Variants in AGTPBP1 observed in about 807,000 individuals in gnomAD.
The protein encoded by AGTPBP1 is cytosolic carboxypeptidase 1.
A neutral mutation model predicts 143.9 loss-of-function variants in AGTPBP1; 70 were observed. That is an observed-to-expected ratio of 0.49 (90% CI 0.40 to 0.59). AGTPBP1 has a LOEUF of 0.59. Among genes scored for constraint, AGTPBP1 ranks in the 20% least tolerant of loss-of-function variants. AGTPBP1 has a pLI of 0.00. For missense variants in AGTPBP1, 1,229 were observed against 1,464.5 expected (o/e 0.84, Z 2.62); for synonymous variants, 463 against 500.2 (o/e 0.93, Z 0.99).
intron 1 of AGTPBP1, among the ~76,000 whole-genome samples, chr9:85,731,041 G>C (rs543654861): frequency 7.2e-5 from 11 of 152,218 alleles, no homozygotes; most frequent in Admixed American, 3.3e-4. Context: ...TTAAATGAAG[G>C]ATTTGGGCCA....
In AGTPBP1 at chr9:85,692,760, T is replaced by C. The variant is rs143491113; in HGVS notation, c.86A>G (p.Asn29Ser). Reference sequence around the variant, plus strand: ...AGTGTCTGATTCTGAAGGCTCAGCATTGATCTTCTCCAGTTGAGCCAGGAG... The same window carrying C: ...AGTGTCTGATTCTGAAGGCTCAGCACTGATCTTCTCCAGTTGAGCCAGGAG... The part of the protein sequence containing the change: ...VGLLAQLEKI[N>S]AEPSESDTAR... Residue 29 changes from asparagine (N) to serine (S), a missense_variant, in exon 3 of 26, where the codon AAT (asparagine) becomes AGT (serine). Coordinates refer to ENST00000357081, the MANE Select transcript of AGTPBP1 (RefSeq NM_001330701.2). 1.1e-5 allele frequency: 18 copies of C among 1,614,056 alleles called. No homozygotes were observed. Among genetic ancestry groups the C allele is most frequent in the African/African-American group, 2.7e-5 (2 of 75,058 alleles).
chr9:85,783,835 G>A, the AGTPBP1 span, among the ~76,000 whole-genome samples: 1 of 152,234 alleles, frequency 6.6e-6, no homozygotes, highest in Non-Finnish European at 1.5e-5. Context: ...ATGTCGGCCA[G>A]GCTGGTCTCA....
the AGTPBP1 span, among the ~76,000 whole-genome samples, chr9:85,766,191 CAGAT>C: frequency 2.7e-5 from 4 of 149,854 alleles, no homozygotes; most frequent in African/African-American, 7.4e-5. Flanking sequence ...TTTGGGAAAA[CAGAT>C]AGAAATATAA....
At chr9:85,647,310 G>A (rs1340031960) in intron 11 of AGTPBP1, among the ~76,000 whole-genome samples, 1 of 152,168 alleles carries the variant, frequency 6.6e-6, no homozygotes, top group Non-Finnish European at 1.5e-5. Flanking sequence ...TCTCTGTTGG[G>A]CCACATTCAA....
the AGTPBP1 span, among the ~76,000 whole-genome samples, chr9:85,792,714 T>G: frequency 6.6e-6 from 1 of 152,254 alleles, no homozygotes; most frequent in Non-Finnish European, 1.5e-5. Context: ...AATTACTATT[T>G]TTGTTACATA....
intron 3 of AGTPBP1, among the ~76,000 whole-genome samples, chr9:85,689,646 G>A (rs986071632): frequency 6.6e-6 from 1 of 151,912 alleles, no homozygotes; most frequent in African/African-American, 2.4e-5. Context: ...TGTAATCCCA[G>A]CACTGTGGGA....
chr9:85,801,140 T>C, the AGTPBP1 span, among the ~76,000 whole-genome samples: 3 of 152,068 alleles, frequency 2.0e-5, no homozygotes, highest in Non-Finnish European at 4.4e-5. Flanking sequence ...GGTGAAATCC[T>C]GTCTCTACTA....
chr9:85,616,270 GGAA>G (rs1446104427), intron 17 of AGTPBP1, among the ~76,000 whole-genome samples: 1 of 151,832 alleles, frequency 6.6e-6, no homozygotes, highest in African/African-American at 2.4e-5. Flanking sequence ...AGGAGAAGGG[GGAA>G]GAAGGAGAGG....
At chr9:85,687,954 G>A (rs1835589605) in intron 3 of AGTPBP1, among the ~76,000 whole-genome samples, 1 of 151,714 alleles carries the variant, frequency 6.6e-6, no homozygotes, top group Admixed American at 6.6e-5. Context: ...AGCCGGGTGT[G>A]GTGGCAGATG....
chr9:85,786,449 T>C, the AGTPBP1 span: 1 of 1,613,724 alleles, frequency 6.2e-7, no homozygotes, highest in Non-Finnish European at 8.5e-7. Context: ...TGTAAAACTG[T>C]GTCGAAAAGA....
At chr9:85,779,505 T>C in the AGTPBP1 span, among the ~76,000 whole-genome samples, 4 of 152,216 alleles carry the variant, frequency 2.6e-5, no homozygotes, top group South Asian at 8.3e-4. Flanking sequence ...GCCTGCTTTA[T>C]ATTCACTGGC....
intron 1 of AGTPBP1, among the ~76,000 whole-genome samples, chr9:85,732,210 CTTTTT>C (rs144655182): frequency 2.5e-5 from 3 of 120,986 alleles, no homozygotes; most frequent in Non-Finnish European, 3.3e-5. Flanking sequence ...GACTATGACC[CTTTTT>C]TTTTTTTTTT....
chr9:85,623,310 G>C (rs1056040004), intron 14 of AGTPBP1, among the ~76,000 whole-genome samples: 2 of 152,072 alleles, frequency 1.3e-5, no homozygotes, highest in Non-Finnish European at 1.5e-5. Flanking sequence ...CACTCTGCAA[G>C]TTAAGCCAAA....
At chr9:85,604,224 G>C (rs1430354562) in intron 17 of AGTPBP1, among the ~76,000 whole-genome samples, 1 of 152,174 alleles carries the variant, frequency 6.6e-6, no homozygotes, top group Non-Finnish European at 1.5e-5. Flanking sequence ...GGTGGCCACA[G>C]GGTTGCTTGA....
chr9:85,590,774 G>A (rs991089383), intron 19 of AGTPBP1, among the ~76,000 whole-genome samples: 8 of 152,084 alleles, frequency 5.3e-5, no homozygotes, highest in African/African-American at 1.4e-4. Context: ...GCAGGCAGAG[G>A]GAAAAATATT....
At chr9:85,786,584 T>C in the AGTPBP1 span, 108 of 1,611,940 alleles carry the variant, frequency 6.7e-5, no homozygotes, top group Non-Finnish European at 8.8e-5. Context: ...AACTTAGACA[T>C]TGAATAATAG....
the AGTPBP1 span, among the ~76,000 whole-genome samples, chr9:85,765,794 A>G: frequency 1.3e-5 from 2 of 152,210 alleles, no homozygotes; most frequent in African/African-American, 2.4e-5. Flanking sequence ...AGTGACAGGA[A>G]GTTATGAGGG....
intron 23 of AGTPBP1, among the ~76,000 whole-genome samples, chr9:85,584,433 C>T (rs1339987228): frequency 2.0e-5 from 3 of 152,132 alleles, no homozygotes; most frequent in Non-Finnish European, 4.4e-5. Context: ...GTAGCTTCCA[C>T]AGAAAGGCTA....
chr9:85,639,602 T>C (rs1024735114), intron 13 of AGTPBP1, among the ~76,000 whole-genome samples: 5 of 152,224 alleles, frequency 3.3e-5, no homozygotes, highest in Admixed American at 3.3e-4. Context: ...TATAAAACTA[T>C]TTGACACTTT....
Sources: gnomAD v4.1 joint callset for allele counts (sites outside exome capture counted in the v4.1 genomes callset) on GRCh38, gnomAD v4.1.1 for gene constraint, MANE v1.5 for transcripts, NCBI Gene and HGNC (gene_info 2026-07-23, HGNC 2026-07-21) for gene names.